ESR1: variants seen among roughly 807,000 people sequenced by gnomAD.
The protein encoded by ESR1 is estrogen receptor 1.
A neutral mutation model predicts 52.7 loss-of-function variants in ESR1; 12 were observed. The observed-to-expected ratio is 0.23, with a 90% confidence interval of 0.15 to 0.37. The LOEUF is 0.37. Ranked by LOEUF, ESR1 falls within the 10% of genes least tolerant of loss-of-function variation. The pLI is 1.00. For missense variants in ESR1, 584 were observed against 779.7 expected, an observed-to-expected ratio of 0.75 and a Z score of 2.99; for synonymous variants, 305 against 316.8, an observed-to-expected ratio of 0.96 and a Z score of 0.39.
At chr6:152,023,206 G>C (rs2043832080) in intron 5 of ESR1, among the ~76,000 whole-genome samples, 1 of 152,074 alleles carries the variant, frequency 6.6e-6, no homozygotes, top group Non-Finnish European at 1.5e-5. Flanking sequence ...TACAAAAAAG[G>C]AACTATAAAC....
intron 6 of ESR1, among the ~76,000 whole-genome samples, chr6:152,083,017 T>C (rs1256405608): frequency 6.6e-6 from 1 of 152,040 alleles, no homozygotes; most frequent in Non-Finnish European, 1.5e-5. Context: ...ATAATCAATA[T>C]CACGAAAATG....
At chr6:151,719,257 T>C (rs916860388) in intron 2 of ESR1, among the ~76,000 whole-genome samples, 2 of 152,024 alleles carry the variant, frequency 1.3e-5, no homozygotes, top group Admixed American at 6.6e-5. Flanking sequence ...AACAATAAAC[T>C]TAAGTAGGTC....
intron 4 of ESR1, among the ~76,000 whole-genome samples, chr6:151,955,097 G>A (rs557611589): frequency 1.4e-4 from 21 of 152,290 alleles, no homozygotes; most frequent in African/African-American, 3.8e-4. Context: ...AAATCAAAGA[G>A]ATCTACCTAA....
intron 5 of ESR1, among the ~76,000 whole-genome samples, chr6:152,017,051 C>A (rs1480170081): frequency 6.6e-6 from 1 of 152,156 alleles, no homozygotes; most frequent in Non-Finnish European, 1.5e-5. Context: ...AGGTCCCTTA[C>A]AAGACCATGA....
intron 4 of ESR1, among the ~76,000 whole-genome samples, chr6:151,959,144 CA>C (rs1266656847): frequency 1.3e-5 from 2 of 152,146 alleles, no homozygotes; most frequent in African/African-American, 4.8e-5. Flanking sequence ...CAAGTGTAAA[CA>C]CTCCCTGATG....
intron 3 of ESR1, among the ~76,000 whole-genome samples, chr6:151,891,993 T>G (rs968532722): frequency 2.6e-5 from 4 of 152,188 alleles, no homozygotes; most frequent in African/African-American, 7.2e-5. Context: ...AAGGTTTTAA[T>G]TGTTTTTAGA....
chr6:152,062,291 TTG>T (rs1450798864), intron 6 of ESR1, among the ~76,000 whole-genome samples: 2 of 152,188 alleles, frequency 1.3e-5, no homozygotes, highest in Non-Finnish European at 1.5e-5. Context: ...TCTTGTGTTT[TTG>T]TCTCTTTCTG....
At chr6:151,967,936 G>A (rs1040206567) in intron 4 of ESR1, among the ~76,000 whole-genome samples, 3 of 152,184 alleles carry the variant, frequency 2.0e-5, no homozygotes, top group African/African-American at 4.8e-5. Context: ...AATGATCAGG[G>A]ATGATCAGCT....
At chr6:151,891,582 G>A (rs1794706111) in intron 3 of ESR1, among the ~76,000 whole-genome samples, 1 of 152,092 alleles carries the variant, frequency 6.6e-6, no homozygotes, top group Non-Finnish European at 1.5e-5. Flanking sequence ...TTGTTTTTCA[G>A]TTGGATTGTT....
intron 1 of ESR1, among the ~76,000 whole-genome samples, chr6:151,820,003 G>A (rs1350148874): frequency 1.3e-5 from 2 of 152,160 alleles, no homozygotes; most frequent in Non-Finnish European, 2.9e-5. Context: ...GGTTGAGTGA[G>A]GGAGATGACA....
chr6:151,909,843 G>A (rs558289239), intron 3 of ESR1, among the ~76,000 whole-genome samples: 1 of 152,198 alleles, frequency 6.6e-6, no homozygotes, highest in South Asian at 2.1e-4. Context: ...TCTTTGGGCA[G>A]ACTGAATTAT....
At chr6:151,662,898 G>A (rs1777688390) in intron 1 of ESR1, among the ~76,000 whole-genome samples, 1 of 152,218 alleles carries the variant, frequency 6.6e-6, no homozygotes, top group South Asian at 2.1e-4. Context: ...CTTTTGTGCA[G>A]CTAGTAAATT....
chr6:152,078,732 G>A (rs1416749394), intron 6 of ESR1, among the ~76,000 whole-genome samples: 1 of 152,196 alleles, frequency 6.6e-6, no homozygotes, highest in Non-Finnish European at 1.5e-5. Flanking sequence ...GGGAAGCTGT[G>A]ACAGACTGTA....
In ESR1 at chr6:152,070,859, G is replaced by C. The variant is rs2048302196; in HGVS notation, c.1369+9735G>C. 1.4e-5 allele frequency among the ~76,000 whole-genome samples: 2 copies of C among 139,010 alleles called. 1 individual carries two copies. Among genetic ancestry groups the C allele is most frequent in the African/African-American group, 6.3e-5 (2 of 31,774 alleles). 91.2% of individuals were successfully genotyped at this position (139,010 alleles called of 152,430 possible). A position where few individuals can be genotyped will look rare whatever the true frequency, so the allele number is the denominator to read the frequency against. ...TTTCCTCTGAGTTTTTACTTTAGAT[G>C]TGCTTTTTAGGTTGCATTTTTCTTC... On this transcript the variant is annotated intron_variant, in intron 6 of 7. Transcript: ENST00000206249.
At position 152,114,785 on chromosome 6, in the gene ESR1, G is replaced by A. The variant is rs578110725; in HGVS notation, c.851-10481G>A. On this transcript the variant is annotated intron_variant, in intron 6 of 6. Transcript: ENST00000427531. ...GGGCGCCTGTAGTCCCAGCTACTTG[G>A]GAGGCTGAGGCAGGAGAATGGCGTG... 1.0e-3 allele frequency among the ~76,000 whole-genome samples: 154 copies of A among 149,852 alleles called. 1 individual carries two copies. The highest frequency in any genetic ancestry group is 3.5e-3 in the African/African-American group (144 of 40,920).
intron 2 of ESR1, among the ~76,000 whole-genome samples, chr6:151,774,567 C>T (rs1319819460): frequency 6.6e-6 from 1 of 152,150 alleles, no homozygotes; most frequent in African/African-American, 2.4e-5. Flanking sequence ...TCACACAGTA[C>T]TGGTAGGGCT....
intron 4 of ESR1, among the ~76,000 whole-genome samples, chr6:151,952,356 T>G (rs1249497944): frequency 6.6e-6 from 1 of 152,152 alleles, no homozygotes; most frequent in Non-Finnish European, 1.5e-5. Flanking sequence ...ATTTCTACTT[T>G]CCAATATTAA....
intron 2 of ESR1, among the ~76,000 whole-genome samples, chr6:151,732,755 C>A (rs1041025828): frequency 6.6e-6 from 1 of 152,120 alleles, no homozygotes; most frequent in Non-Finnish European, 1.5e-5. Flanking sequence ...TTTTTACCAG[C>A]CGTCAGATCT....
At chr6:152,083,416 A>G (rs1349672925) in intron 6 of ESR1, among the ~76,000 whole-genome samples, 2 of 152,228 alleles carry the variant, frequency 1.3e-5, no homozygotes, top group African/African-American at 4.8e-5. Context: ...AGCCATATGT[A>G]GAAAGCTGAA....
Sources: allele counts gnomAD v4.1 joint callset (sites outside exome capture counted in the v4.1 genomes callset), GRCh38; gene constraint gnomAD v4.1.1; transcripts MANE v1.5; gene names NCBI Gene and HGNC (gene_info 2026-07-23, HGNC 2026-07-21).